Variants in WASF2 observed in about 807,000 individuals in gnomAD.
The protein encoded by WASF2 is actin-binding protein WASF2.
A neutral mutation model predicts 45.0 loss-of-function variants in WASF2; 14 were observed. That is an observed-to-expected ratio of 0.31 (90% confidence interval 0.21 to 0.49). The LOEUF (loss-of-function observed/expected upper bound fraction) is 0.49. Ranked by LOEUF, WASF2 falls within the 20% of genes least tolerant of loss-of-function variation. WASF2 has a pLI of 0.99. For missense variants in WASF2, 439 were observed against 636.1 expected (o/e 0.69, Z 3.33); for synonymous variants, 200 against 236.3 (o/e 0.85, Z 1.41).
At chr1:27,439,908 G>A (rs991856568) in intron 1 of WASF2, among the ~76,000 whole-genome samples, 3 of 152,132 alleles carry the variant, frequency 2.0e-5, no homozygotes, top group Admixed American at 1.3e-4. Flanking sequence ...GCTGAGGCAG[G>A]AGAATCACTT....
intron 1 of WASF2, among the ~76,000 whole-genome samples, chr1:27,486,089 T>A (rs1247358540): frequency 1.3e-5 from 2 of 152,196 alleles, no homozygotes; most frequent in Non-Finnish European, 2.9e-5. Flanking sequence ...AAAATAAATT[T>A]TTCATTATTC....
intron 1 of WASF2, among the ~76,000 whole-genome samples, chr1:27,461,165 CA>C (rs1274758841): frequency 1.3e-5 from 2 of 150,890 alleles, no homozygotes; most frequent in East Asian, 1.9e-4. Context: ...AAACAAACAA[CA>C]AAAAAAAGGT....
At position 27,428,881 on chromosome 1, in the gene WASF2, C is replaced by T. The variant is rs754037359; in HGVS notation, c.10G>A (p.Val4Ile). The T allele has an allele frequency of 6.2e-7, 1 of 1,614,060 alleles. No individual in the cohort carries two copies. Among genetic ancestry groups the T allele is most frequent in the South Asian group, 1.1e-5 (1 of 91,076 alleles). Residue 4 changes from valine to isoleucine, a missense_variant, in exon 2 of 9, where the codon GTA becomes ATA. Transcript: ENST00000618852. MPL[V>I]TRNIEPRHLC... ...TGCCTTGGCTCGATGTTCCTCGTTA[C>T]TAACGGCATGGTGGACCTGCTTCAG...
chr1:27,410,143 G>C lies in WASF2; in HGVS notation c.888C>G (p.Ser296Arg). 1 of 1,614,018 alleles carries C rather than the reference G, an allele frequency of 6.2e-7. No individual in the cohort carries two copies. The highest frequency in any genetic ancestry group is 8.5e-7 in the Non-Finnish European group (1 of 1,179,960). ...LAGPKRSSVV[S>R]PSHPPPAPPL... ...GAGGAGCTGGTGGTGGATGGCTTGG[G>C]CTGACCACACTGGATCTTTTGGGTC... The change falls in exon 8 of 9, where the codon AGC (serine) becomes AGG (arginine). Residue 296 changes from serine (S) to arginine (R), a missense_variant. By Grantham distance (110) the Ser-to-Arg change is moderately radical (BLOSUM62 -1). Around this residue, in one of 5 missense-constraint regions of WASF2, gnomAD observed 286 missense variants for 373.5 expected, o/e 0.77. Coordinates refer to ENST00000618852, the MANE Select transcript of WASF2 (RefSeq NM_006990.5). The surrounding 1 kb of genome is among the most constrained non-coding windows in gnomAD (Gnocchi z 4.2).
At chr1:27,442,016 G>C (rs529800804) in intron 1 of WASF2, among the ~76,000 whole-genome samples, 1 of 151,090 alleles carries the variant, frequency 6.6e-6, no homozygotes, top group South Asian at 2.1e-4. Context: ...TGAGGCAAGA[G>C]GATCCTTTAA....
intron 1 of WASF2, among the ~76,000 whole-genome samples, chr1:27,483,675 G>A (rs906033121): frequency 6.6e-6 from 1 of 151,812 alleles, no homozygotes; most frequent in Non-Finnish European, 1.5e-5. Flanking sequence ...AGGGGTCTGG[G>A]CATGGTGGTT....
At position 27,409,781 on chromosome 1, in the gene WASF2, G is replaced by A. The variant is rs1318458180; in HGVS notation, c.1250C>T (p.Pro417Leu). ...FTGADGQPAI[P>L]PPLSDTTKPK... ...CTTGGTGGTATCAGAAAGCGGTGGT[G>A]GTATAGCAGGCTGGCCATCTGCACC... Residue 417 changes from proline to leucine, a missense_variant, in exon 8 of 9, where the codon CCA (proline) becomes CTA (leucine). Physicochemically the swap from Pro to Leu is moderately conservative, Grantham distance 98 (BLOSUM62 -3). This residue lies in a region of WASF2 where 286 missense variants were observed against 373.5 expected (regional missense o/e 0.77). Transcript: ENST00000618852. The A allele has an allele frequency of 3.2e-6, 5 of 1,555,834 alleles. No individual in the cohort carries two copies. Among genetic ancestry groups the A allele is most frequent in the East Asian group, 2.3e-5 (1 of 44,328 alleles).
intron 1 of WASF2, among the ~76,000 whole-genome samples, chr1:27,468,843 C>T (rs542682822): frequency 6.8e-6 from 1 of 146,542 alleles, no homozygotes; most frequent in Non-Finnish European, 1.5e-5. Context: ...AGCTGGGTGC[C>T]GTGGTGGAGG....
chr1:27,471,708 G>A (rs9438572), intron 1 of WASF2, among the ~76,000 whole-genome samples: 23,546 of 152,028 alleles, frequency 0.15, 2,441 homozygotes, highest in East Asian at 0.37. Context: ...GACAACTTAG[G>A]GACTGACAAA....
intron 1 of WASF2, among the ~76,000 whole-genome samples, chr1:27,433,809 C>G (rs775314535): frequency 2.0e-5 from 3 of 152,074 alleles, no homozygotes; most frequent in African/African-American, 7.2e-5. Context: ...TTATCAAAAG[C>G]GTCAGAAAAG....
chr1:27,419,187 C>CATACAT (rs2016868490), intron 2 of WASF2, 99 bp from the exon 3 acceptor site: 4 of 1,324,734 alleles, frequency 3.0e-6, no homozygotes, highest in Non-Finnish European at 4.3e-6. Flanking sequence ...CCCCCAAACA[C>CATACAT]ATACATATAC....
chr1:27,471,345 A>T (rs1004005093), intron 1 of WASF2, among the ~76,000 whole-genome samples: 1 of 99,012 alleles, frequency 1.0e-5, no homozygotes, highest in Non-Finnish European at 1.9e-5. Flanking sequence ...ACTCTGTCTC[A>T]AAAAAAAAAA....
intron 5 of WASF2, 67 bp from the exon 6 acceptor site, chr1:27,415,030 C>A: frequency 6.3e-7 from 1 of 1,579,600 alleles, no homozygotes. Context: ...AAATTCTACC[C>A]ATCTTCATGG....
chr1:27,441,827 G>C (rs544922603), intron 1 of WASF2, among the ~76,000 whole-genome samples: 16 of 150,638 alleles, frequency 1.1e-4, no homozygotes, highest in African/African-American at 3.9e-4. Context: ...TCGGGAGGCT[G>C]AGGCATGAGA....
At chr1:27,451,319 A>G (rs892573065) in intron 1 of WASF2, among the ~76,000 whole-genome samples, 1 of 152,210 alleles carries the variant, frequency 6.6e-6, no homozygotes, top group Non-Finnish European at 1.5e-5. Context: ...GTCAGTTAAG[A>G]AAAGGTGTCT....
chr1:27,441,623 G>A lies in WASF2; in HGVS notation c.-43-12690C>T, dbSNP rs1467887821. Among the ~76,000 whole-genome samples the A allele has an allele frequency of 4.6e-5, 7 of 151,396 alleles. No homozygotes were observed. The South Asian group carries it at 6.3e-4, about 14-fold the overall frequency. ...AAAAAAATTAGCCGGGCGTGGTGGC[G>A]GGCGCCTGTAGTCCCAGCTACTCCG... On this transcript the variant is annotated intron_variant, in intron 1 of 8. Coordinates refer to ENST00000618852, the MANE Select transcript of WASF2 (RefSeq NM_006990.5).
intron 1 of WASF2, among the ~76,000 whole-genome samples, chr1:27,487,234 G>A (rs996554534): frequency 2.7e-5 from 4 of 145,464 alleles, no homozygotes; most frequent in East Asian, 2.0e-4. Context: ...CCGAGTAGCC[G>A]GGACTACAGG....
chr1:27,478,157 C>A (rs1296447906), intron 1 of WASF2, among the ~76,000 whole-genome samples: 1 of 151,046 alleles, frequency 6.6e-6, no homozygotes, highest in African/African-American at 2.4e-5. Context: ...TTGCAGCGAG[C>A]CGAGATCCTG....
At chr1:27,488,584 G>A (rs1477930136) in intron 1 of WASF2, among the ~76,000 whole-genome samples, 1 of 152,140 alleles carries the variant, frequency 6.6e-6, no homozygotes, top group Non-Finnish European at 1.5e-5. Flanking sequence ...AGCTCTCTGA[G>A]GTCCTGACAC....
Sources: gnomAD v4.1 joint callset for allele counts (sites outside exome capture counted in the v4.1 genomes callset) on GRCh38, gnomAD v4.1.1 for gene constraint, gnomAD v4.1.1 regional missense constraint, Gnocchi (gnomAD v3.1) non-coding constraint, MANE v1.5 for transcripts, NCBI Gene and HGNC (gene_info 2026-07-23, HGNC 2026-07-21) for gene names.